AFF2: variants seen among roughly 807,000 people sequenced by gnomAD.
AFF2 encodes the protein AF4/FMR2 family member 2.
AFF2 carries 14 observed loss-of-function variants against 76.9 expected under a neutral mutation model. The ratio of observed to expected loss-of-function variants is 0.18; its 90% CI spans 0.12 to 0.28. The LOEUF is 0.28. AFF2 is among the 10% of genes least tolerant of loss of function. The pLI, the probability that AFF2 is intolerant of heterozygous loss-of-function variation, is 1.00. For synonymous variants in AFF2, 398 were observed against 366.7 expected (o/e 1.09, Z -0.98); for missense variants, 868 against 1,001.1 (o/e 0.87, Z 1.79).
chrX:148,753,947 G>C (rs2055531677), intron 3 of AFF2, among the ~76,000 whole-genome samples: 1 of 111,064 alleles, frequency 9.0e-6, no homozygotes, highest in Admixed American at 9.6e-5. Flanking sequence ...CTAGCTAAGG[G>C]GTGCAGAATA....
chrX:148,958,546 C>T, intron 12 of AFF2, 88 bp downstream of exon 12: 1 of 1,086,189 alleles, frequency 9.2e-7, no homozygotes, highest in Non-Finnish European at 1.2e-6. Flanking sequence ...GGGGATCTTG[C>T]CCCAGAAGAC....
chrX:148,672,694 T>G (rs1005321998), intron 3 of AFF2, among the ~76,000 whole-genome samples: 2 of 112,329 alleles, frequency 1.8e-5, no homozygotes, highest in South Asian at 3.6e-4. Context: ...TAGTCATGTG[T>G]TTTTCATTTA....
At position 148,992,145 on chromosome X, in the gene AFF2, T is replaced by G. The variant is rs781853418; in HGVS notation, c.*813T>G. ...CTGTCCTTTTGAAGAACAGTTTGGT[T>G]GATGCATGCCTTAGTAGCCAAAATG... is the stretch of plus-strand genomic sequence containing the variant. On this transcript the variant is annotated 3_prime_UTR_variant, in exon 21 of 21. Coordinates refer to ENST00000370460, the MANE Select transcript of AFF2 (RefSeq NM_002025.4). 1.8e-5 allele frequency: 2 copies of G among 112,089 alleles called. No homozygotes were observed. Among genetic ancestry groups the G allele is most frequent in the Non-Finnish European group, 3.8e-5 (2 of 53,242 alleles). The allele number at this position is 112,089 out of a possible 1,213,427, so 9.2% of individuals were successfully genotyped here. A position where few individuals can be genotyped will look rare whatever the true frequency, so the allele number is the denominator to read the frequency against.
chrX:148,545,861 C>T (rs942180645), intron 1 of AFF2, among the ~76,000 whole-genome samples: 4 of 111,542 alleles, frequency 3.6e-5, no homozygotes, highest in Admixed American at 1.9e-4. Context: ...GTTTCTAACA[C>T]GCTCTAAGGT....
At position 148,597,951 on chromosome X, in the gene AFF2, G is replaced by GT. The variant is rs1267214795; in HGVS notation, c.48-54047dup. Among the ~76,000 whole-genome samples, 3 of 112,390 alleles carry GT rather than the reference G, an allele frequency of 2.7e-5. No individual in the cohort carries two copies. In the East Asian group the frequency reaches 8.4e-4, roughly 31 times the overall value. On this transcript the variant is annotated intron_variant, in intron 1 of 20. Coordinates refer to ENST00000370460, the MANE Select transcript of AFF2 (RefSeq NM_002025.4). ...CTATTAACAGTGACAACATTAATGCGTACTTTGGAAGGTGAAATAATCAAT... is the reference window on the plus strand; with the variant it reads ...CTATTAACAGTGACAACATTAATGCGTTACTTTGGAAGGTGAAATAATCAAT...
At position 148,850,778 on chromosome X, in the gene AFF2, G is replaced by T. The variant is rs186126272; in HGVS notation, c.1262+7345G>T. 6.9e-4 allele frequency among the ~76,000 whole-genome samples: 77 copies of T among 112,273 alleles called. 1 individual carries two copies. Among genetic ancestry groups the T allele is most frequent in the African/African-American group, 2.2e-3 (69 of 30,926 alleles). ...ATAGCCAATTGAAAAGAAACCAGGC[G>T]TAGGGAGGGGAAGATATTTTCCTAA... On this transcript the variant is annotated intron_variant, in intron 7 of 20. Transcript: ENST00000370460.
chrX:148,841,256 T>C (rs1308733300), intron 5 of AFF2, among the ~76,000 whole-genome samples: 1 of 112,066 alleles, frequency 8.9e-6, no homozygotes, highest in Non-Finnish European at 1.9e-5. Context: ...TGAAATCCCT[T>C]AAATAGTAAC....
chrX:148,885,946 G>A lies in AFF2; in HGVS notation c.1320G>A (p.Lys440=), dbSNP rs1557279045. Residue 440 remains lysine, a synonymous_variant, in exon 8 of 21, where the codon AAG becomes AAA. Coordinates refer to ENST00000370460, the MANE Select transcript of AFF2 (RefSeq NM_002025.4). ...SSDEDDLEPV[K]TLTTQCTATE... The stretch of plus-strand genomic sequence containing the variant: ...ATGAAGATGACCTTGAGCCTGTGAA[G>A]ACCTTGACCACTCAGTGCACTGCCA... 8.3e-7 allele frequency: 1 copy of A among 1,210,573 alleles called. No individual in the cohort carries two copies. Among genetic ancestry groups the A allele is most frequent in the East Asian group, 3.0e-5 (1 of 33,784 alleles).
intron 7 of AFF2, among the ~76,000 whole-genome samples, chrX:148,882,558 T>TCA (rs782486674): frequency 3.4e-4 from 38 of 111,580 alleles, no homozygotes; most frequent in Non-Finnish European, 6.4e-4. Context: ...TTTTTTAAGA[T>TCA]CACACACACA....
chrX:148,990,749 G>A (rs1256250567), intron 20 of AFF2, among the ~76,000 whole-genome samples: 2 of 111,911 alleles, frequency 1.8e-5, no homozygotes, highest in African/African-American at 3.2e-5. Context: ...GGAGGCTGAC[G>A]GCTACTATTA....
chrX:148,925,241 A>G (rs189249466), intron 9 of AFF2, among the ~76,000 whole-genome samples: 53 of 112,780 alleles, frequency 4.7e-4, no homozygotes, highest in African/African-American at 1.4e-3. Flanking sequence ...CAAATCTTAA[A>G]GAAACCATTA....
At chrX:148,531,720 CTGTCTATA>C (rs2052732109) in intron 1 of AFF2, among the ~76,000 whole-genome samples, 1 of 112,131 alleles carries the variant, frequency 8.9e-6, no homozygotes, top group African/African-American at 3.2e-5. Flanking sequence ...CAGCATCTAT[CTGTCTATA>C]TGTTAAGTTG....
chrX:148,914,614 C>G (rs2071506706), intron 9 of AFF2, among the ~76,000 whole-genome samples: 1 of 111,955 alleles, frequency 8.9e-6, no homozygotes, highest in Admixed American at 9.4e-5. Flanking sequence ...TCTCTGTGGA[C>G]TTTTATGTAA....
chrX:148,575,398 A>T (rs1026065513), intron 1 of AFF2, among the ~76,000 whole-genome samples: 14 of 111,894 alleles, frequency 1.3e-4, no homozygotes, highest in African/African-American at 4.5e-4. Context: ...TAATTAGCAA[A>T]TAGACTGTTC....
At chrX:148,771,476 T>C (rs2069586829) in intron 3 of AFF2, among the ~76,000 whole-genome samples, 1 of 112,403 alleles carries the variant, frequency 8.9e-6, no homozygotes, top group Non-Finnish European at 1.9e-5. Context: ...CCATGTGTAA[T>C]TGCAAGAGAA....
intron 9 of AFF2, among the ~76,000 whole-genome samples, chrX:148,953,136 A>G (rs2071989433): frequency 8.9e-6 from 1 of 111,912 alleles, no homozygotes. Flanking sequence ...ACTATATACC[A>G]TATGTTTAGC....
chrX:148,944,076 C>T (rs782787943), intron 9 of AFF2, among the ~76,000 whole-genome samples: 1 of 112,149 alleles, frequency 8.9e-6, no homozygotes, highest in African/African-American at 3.2e-5. Flanking sequence ...CGGAAAAAGG[C>T]GGAGGCTTAT....
At chrX:148,751,277 G>T (rs1359661258) in intron 3 of AFF2, among the ~76,000 whole-genome samples, 2 of 112,498 alleles carry the variant, frequency 1.8e-5, no homozygotes, top group African/African-American at 6.5e-5. Flanking sequence ...TGAAATGCTA[G>T]ATGTGGACTG....
chrX:148,591,081 A>C (rs1557246572), intron 1 of AFF2, among the ~76,000 whole-genome samples: 1 of 112,331 alleles, frequency 8.9e-6, no homozygotes, highest in East Asian at 2.8e-4. Flanking sequence ...AAACATTAAC[A>C]ATCTTCATCC....
Sources: gnomAD v4.1 joint callset for allele counts (sites outside exome capture counted in the v4.1 genomes callset) on GRCh38, gnomAD v4.1.1 for gene constraint, MANE v1.5 for transcripts, NCBI Gene and HGNC (gene_info 2026-07-23, HGNC 2026-07-21) for gene names.